VDAC1: variants seen among roughly 807,000 people sequenced by gnomAD.
The protein encoded by VDAC1 is voltage dependent anion channel 1, also known as non-selective voltage-gated ion channel VDAC1.
VDAC1 carries 10 observed loss-of-function variants against 34.7 expected under a neutral mutation model. The ratio of observed to expected loss-of-function variants is 0.29; its 90% CI spans 0.18 to 0.49. VDAC1 has a LOEUF of 0.49. Ranked by LOEUF, VDAC1 falls within the 20% of genes least tolerant of loss-of-function variation. The pLI is 0.99. For synonymous variants in VDAC1, 130 were observed against 136.0 expected (o/e 0.96, Z 0.30); for missense variants, 230 against 347.9 (o/e 0.66, Z 2.69).
chr5:134,043,306 T>C, the VDAC1 span, among the ~76,000 whole-genome samples: 7 of 152,130 alleles, frequency 4.6e-5, no homozygotes, highest in Admixed American at 3.3e-4. Context: ...CCAGGATATA[T>C]AGAAAAGGAG....
At chr5:133,979,424 C>CTTTTTTTTTTTTTTTTT (rs71581380) in intron 6 of VDAC1, among the ~76,000 whole-genome samples, 2 of 80,992 alleles carry the variant, frequency 2.5e-5, no homozygotes, top group African/African-American at 1.0e-4. Context: ...ATTTTCTTTG[C>CTTTTTTTTTTTTTTTTT]TTTTTTTTTT....
chr5:134,112,221 T>C, the VDAC1 span, among the ~76,000 whole-genome samples: 1 of 152,238 alleles, frequency 6.6e-6, no homozygotes, highest in Non-Finnish European at 1.5e-5. Flanking sequence ...CTAGTCCACA[T>C]TGATCTCACC....
the VDAC1 span, among the ~76,000 whole-genome samples, chr5:134,040,468 G>A: frequency 5.3e-5 from 8 of 152,130 alleles, no homozygotes; most frequent in Non-Finnish European, 7.4e-5. Flanking sequence ...CCAGCTACTC[G>A]GGAGGCTGAG....
chr5:134,019,325 C>T, the VDAC1 span, among the ~76,000 whole-genome samples: 22,967 of 152,062 alleles, frequency 0.15, 1,912 homozygotes, highest in East Asian at 0.32. Flanking sequence ...CACCTATAAA[C>T]CCAGCACTTT....
the VDAC1 span, among the ~76,000 whole-genome samples, chr5:134,109,770 C>CAAAAAAAAAAAAAAA: frequency 7.8e-5 from 11 of 140,276 alleles, no homozygotes; most frequent in African/African-American, 3.1e-4. Flanking sequence ...GGCTCCATCT[C>CAAAAAAAAAAAAAAA]AAAAAAAAAA....
the VDAC1 span, among the ~76,000 whole-genome samples, chr5:134,042,995 G>A: frequency 2.0e-5 from 3 of 152,204 alleles, no homozygotes; most frequent in African/African-American, 7.2e-5. Context: ...AACCCTGCCT[G>A]GGCCTTTCTT....
the VDAC1 span, among the ~76,000 whole-genome samples, chr5:134,064,459 T>C: frequency 1.5e-4 from 23 of 152,042 alleles, no homozygotes; most frequent in East Asian, 4.5e-3. Context: ...CATTTGCCAC[T>C]GCACCTGGCT....
the VDAC1 span, among the ~76,000 whole-genome samples, chr5:134,016,086 GC>G: frequency 6.6e-6 from 1 of 152,186 alleles, no homozygotes; most frequent in Non-Finnish European, 1.5e-5. Context: ...CCCACACCTG[GC>G]CTCCAACTTT....
the VDAC1 span, among the ~76,000 whole-genome samples, chr5:134,024,478 G>A: frequency 5.4e-5 from 8 of 149,040 alleles, no homozygotes; most frequent in South Asian, 4.2e-4. Flanking sequence ...GCAGTGAGCC[G>A]AGCTTGCACC....
the VDAC1 span, among the ~76,000 whole-genome samples, chr5:134,085,736 A>AAAAAAAAAAAAAAAAC: frequency 6.7e-6 from 1 of 148,306 alleles, no homozygotes. Flanking sequence ...AAAAAAAAAA[A>AAAAAAAAAAAAAAAAC]AAAAAAAAAA....
the VDAC1 span, among the ~76,000 whole-genome samples, chr5:134,067,805 A>G: frequency 7.2e-5 from 11 of 152,224 alleles, no homozygotes; most frequent in East Asian, 2.1e-3. Flanking sequence ...CTCTTCCAAA[A>G]CAACAAAAGA....
chr5:133,978,008 G>A (rs1364851542), intron 6 of VDAC1, among the ~76,000 whole-genome samples: 1 of 152,078 alleles, frequency 6.6e-6, no homozygotes, highest in Non-Finnish European at 1.5e-5. Flanking sequence ...TCTGAGTTCT[G>A]CCTCATCATT....
chr5:133,985,005 AAG>A (rs1752853765), intron 5 of VDAC1, among the ~76,000 whole-genome samples: 1 of 152,224 alleles, frequency 6.6e-6, no homozygotes, highest in Non-Finnish European at 1.5e-5. Context: ...CAAGTTTTGC[AAG>A]AGTTTTCTGC....
At chr5:133,974,295 C>A (rs1752399288) in intron 7 of VDAC1, among the ~76,000 whole-genome samples, 1 of 152,180 alleles carries the variant, frequency 6.6e-6, no homozygotes, top group Non-Finnish European at 1.5e-5. Context: ...GATACAGCCG[C>A]CAGTGCCCTG....
the VDAC1 span, among the ~76,000 whole-genome samples, chr5:134,047,651 C>T: frequency 6.6e-6 from 1 of 152,250 alleles, no homozygotes; most frequent in African/African-American, 2.4e-5. Context: ...AGGCACCATC[C>T]ATAAGCTGCA....
intron 1 of VDAC1, among the ~76,000 whole-genome samples, chr5:133,995,117 A>G (rs981105416): frequency 2.6e-5 from 4 of 152,172 alleles, no homozygotes; most frequent in African/African-American, 9.7e-5. Context: ...CCCCACCCAC[A>G]GCAAACATCA....
At chr5:134,039,557 C>G in the VDAC1 span, among the ~76,000 whole-genome samples, 1 of 152,064 alleles carries the variant, frequency 6.6e-6, no homozygotes, top group African/African-American at 2.4e-5. Flanking sequence ...TCTCGATCTG[C>G]TGACCTCGTG....
chr5:134,077,935 G>C, the VDAC1 span, among the ~76,000 whole-genome samples: 2 of 152,174 alleles, frequency 1.3e-5, no homozygotes, highest in Non-Finnish European at 2.9e-5. Flanking sequence ...CTTCCCTTTG[G>C]GCCTGCCCAC....
the VDAC1 span, among the ~76,000 whole-genome samples, chr5:134,027,290 T>A: frequency 6.6e-6 from 1 of 152,204 alleles, no homozygotes; most frequent in African/African-American, 2.4e-5. Flanking sequence ...TCCCGCCCCA[T>A]CAGCAGCCAT....
Sources: gnomAD v4.1 joint callset for allele counts (sites outside exome capture counted in the v4.1 genomes callset) on GRCh38, gnomAD v4.1.1 for gene constraint, MANE v1.5 for transcripts, NCBI Gene and HGNC (gene_info 2026-07-23, HGNC 2026-07-21) for gene names.